The following JARID2 variants were observed in gnomAD, a reference collection of about 807,000 sequenced individuals.
JARID2 encodes jumonji and AT-rich interaction domain containing 2, also known as protein Jumonji.
Under a neutral mutation model 125.6 loss-of-function variants are expected in JARID2, and 21 were observed. That is an observed-to-expected ratio of 0.17 (90% CI 0.12 to 0.24). JARID2 has a LOEUF of 0.24. Among genes scored for constraint, JARID2 ranks in the 10% least tolerant of loss-of-function variants. The pLI, the probability that JARID2 is intolerant of heterozygous loss-of-function variation, is 1.00. For synonymous variants in JARID2, 736 were observed against 661.6 expected, an observed-to-expected ratio of 1.11 and a Z score of -1.73; for missense variants, 1,303 against 1,639.6, an observed-to-expected ratio of 0.79 and a Z score of 3.55.
chr6:15,434,849 C>T (rs1288981934), intron 3 of JARID2, among the ~76,000 whole-genome samples: 1 of 152,194 alleles, frequency 6.6e-6, no homozygotes, highest in Non-Finnish European at 1.5e-5. Flanking sequence ...CTATATAACT[C>T]ATGAAATTTT....
At chr6:15,390,036 C>G (rs1273508810) in intron 2 of JARID2, among the ~76,000 whole-genome samples, 2 of 152,182 alleles carry the variant, frequency 1.3e-5, no homozygotes, top group African/African-American at 4.8e-5. Context: ...TGCTTGAGTG[C>G]TTTATTCAAC....
intron 1 of JARID2, among the ~76,000 whole-genome samples, chr6:15,346,155 A>G (rs949558132): frequency 2.0e-5 from 3 of 152,216 alleles, no homozygotes; most frequent in Admixed American, 1.3e-4. Context: ...TTTGGTGAAC[A>G]TTACTTTTGT....
intron 1 of JARID2, among the ~76,000 whole-genome samples, chr6:15,253,083 CAGA>C: frequency 7.7e-6 from 1 of 130,546 alleles, no homozygotes; most frequent in African/African-American, 3.2e-5. Context: ...TTTTTTGAGA[CAGA>C]GGAGTCTCTC....
intron 1 of JARID2, among the ~76,000 whole-genome samples, chr6:15,266,025 A>G (rs1389942953): frequency 3.3e-5 from 5 of 152,152 alleles, no homozygotes; most frequent in Admixed American, 2.0e-4. Context: ...GCTCTCTCAT[A>G]TTCATAAAAG....
At chr6:15,275,388 G>C (rs1760456765) in intron 1 of JARID2, among the ~76,000 whole-genome samples, 2 of 152,086 alleles carry the variant, frequency 1.3e-5, no homozygotes, top group Admixed American at 1.3e-4. Flanking sequence ...TTCTTCATTA[G>C]ATACTGATAC....
chr6:15,474,529 T>G (rs939028999), intron 5 of JARID2, among the ~76,000 whole-genome samples: 2 of 152,114 alleles, frequency 1.3e-5, no homozygotes, highest in African/African-American at 4.8e-5. Context: ...TTAGCTTCTC[T>G]GATTCTTAAT....
At chr6:15,425,913 G>A (rs1055529433) in intron 3 of JARID2, among the ~76,000 whole-genome samples, 2 of 152,166 alleles carry the variant, frequency 1.3e-5, no homozygotes, top group Non-Finnish European at 2.9e-5. Flanking sequence ...TAATAAGAGC[G>A]AGAAAAGGAG....
At chr6:15,306,072 T>C (rs1226549247) in intron 1 of JARID2, among the ~76,000 whole-genome samples, 1 of 152,204 alleles carries the variant, frequency 6.6e-6, no homozygotes, top group Non-Finnish European at 1.5e-5. Flanking sequence ...TTTTAGAAGC[T>C]CTACCAGCAA....
chr6:15,452,888 CAG>C (rs1181953146), intron 4 of JARID2, among the ~76,000 whole-genome samples: 3 of 152,162 alleles, frequency 2.0e-5, no homozygotes, highest in Non-Finnish European at 2.9e-5. Flanking sequence ...GTCCTGAATG[CAG>C]AGAGTTCCTT....
intron 1 of JARID2, among the ~76,000 whole-genome samples, chr6:15,269,278 G>A (rs71551043): frequency 2.0e-5 from 3 of 152,072 alleles, no homozygotes; most frequent in African/African-American, 4.8e-5. Flanking sequence ...ATTCTTGTTG[G>A]GGGGGGCGGA....
intron 6 of JARID2, among the ~76,000 whole-genome samples, chr6:15,493,159 G>C (rs1428655581): frequency 6.6e-6 from 1 of 151,998 alleles, no homozygotes; most frequent in Non-Finnish European, 1.5e-5. Flanking sequence ...TCTTATTTGA[G>C]ATAGAATATG....
chr6:15,422,759 G>A (rs1185593481), intron 3 of JARID2, among the ~76,000 whole-genome samples: 3 of 152,182 alleles, frequency 2.0e-5, no homozygotes, highest in African/African-American at 4.8e-5. Flanking sequence ...CTGGTTTTGT[G>A]TGGGCTTCCC....
chr6:15,474,803 C>T (rs1008251702), intron 5 of JARID2, among the ~76,000 whole-genome samples: 2 of 152,192 alleles, frequency 1.3e-5, no homozygotes, highest in Non-Finnish European at 2.9e-5. Context: ...ATAATAGTGA[C>T]TTGTCCAGAT....
At chr6:15,350,654 CT>C (rs1015818537) in intron 1 of JARID2, among the ~76,000 whole-genome samples, 18 of 151,640 alleles carry the variant, frequency 1.2e-4, no homozygotes, top group African/African-American at 4.1e-4. Flanking sequence ...ATCGTTGGGC[CT>C]TCACTGATTG....
At chr6:15,302,417 GA>G (rs149565432) in intron 1 of JARID2, among the ~76,000 whole-genome samples, 8 of 147,978 alleles carry the variant, frequency 5.4e-5, no homozygotes, top group Admixed American at 1.4e-4. Flanking sequence ...TCTGTCTTGG[GA>G]AAAAAAAAAG....
chr6:15,310,580 G>A (rs1356034245), intron 1 of JARID2, among the ~76,000 whole-genome samples: 1 of 152,180 alleles, frequency 6.6e-6, no homozygotes, highest in African/African-American at 2.4e-5. Flanking sequence ...TCTGGGTCAT[G>A]CTCCCCTCTG....
chr6:15,397,420 C>T (rs1765259897), intron 2 of JARID2, among the ~76,000 whole-genome samples: 1 of 152,132 alleles, frequency 6.6e-6, no homozygotes, highest in South Asian at 2.1e-4. Flanking sequence ...ACCACCCTAC[C>T]CCTCCTTTGC....
At chr6:15,248,430 A>AGGGGGCGGGAGCGGGGGC (rs1178054792) in intron 1 of JARID2, 1 of 3,982 alleles carries the variant, frequency 2.5e-4, no homozygotes, top group East Asian at 7.9e-3. Flanking sequence ...GCGCGCGGGG[A>AGGGGGCGGGAGCGGGGGC]GGGGGTGGGA....
chr6:15,313,824 G>C (rs1307495839), intron 1 of JARID2, among the ~76,000 whole-genome samples: 1 of 152,140 alleles, frequency 6.6e-6, no homozygotes, highest in Non-Finnish European at 1.5e-5. Flanking sequence ...AAATACATTT[G>C]TCATCTAAAC....
Sources: gnomAD v4.1 joint callset for allele counts (sites outside exome capture counted in the v4.1 genomes callset) on GRCh38, gnomAD v4.1.1 for gene constraint, MANE v1.5 for transcripts, NCBI Gene and HGNC (gene_info 2026-07-23, HGNC 2026-07-21) for gene names.